CABCOCO1: variants seen among roughly 807,000 people sequenced by gnomAD.
CABCOCO1 encodes ciliary associated calcium binding coiled-coil 1, also known as ciliary-associated calcium-binding coiled-coil protein 1.
CABCOCO1 carries 28 observed loss-of-function variants against 35.7 expected under a neutral mutation model. The ratio of observed to expected loss-of-function variants is 0.78; its 90% CI spans 0.58 to 1.07. The LOEUF is 1.07. Among genes scored for constraint, CABCOCO1 ranks in the 50% least tolerant of loss-of-function variants. The pLI is 0.00. For missense variants in CABCOCO1, 326 were observed against 309.2 expected (o/e 1.05, Z -0.41); for synonymous variants, 95 against 100.1 (o/e 0.95, Z 0.30).
intron 5 of CABCOCO1, among the ~76,000 whole-genome samples, chr10:61,726,598 AAAAGCAATAAAATCC>A (rs1221292823): frequency 1.3e-5 from 2 of 152,040 alleles, no homozygotes; most frequent in Non-Finnish European, 2.9e-5. Flanking sequence ...TTTATGAATA[AAAAGCAATAAAATCC>A]CTTTATCTGG....
At position 61,721,060 on chromosome 10, in the gene CABCOCO1, G is replaced by C. The variant is rs182659939; in HGVS notation, c.552+30439G>C. Among the ~76,000 whole-genome samples, 686 of 151,394 alleles carry C rather than the reference G, an allele frequency of 4.5e-3. 9 individuals carry two copies. The highest frequency in any genetic ancestry group is 0.015 in the African/African-American group (638 of 41,324). ...CCGCCTCAGCCTCCTGAGTAGCTGG[G>C]ACTACACGCGCCCGCCACCACGCCC... On this transcript the variant is annotated intron_variant, in intron 5 of 7. Transcript: ENST00000648843.
At chr10:61,673,766 A>G (rs1839430414) in intron 2 of CABCOCO1, among the ~76,000 whole-genome samples, 1 of 152,216 alleles carries the variant, frequency 6.6e-6, no homozygotes, top group Admixed American at 6.5e-5. Context: ...CATACCACTT[A>G]CTATCTGCAT....
chr10:61,754,016 C>T (rs71507192), intron 5 of CABCOCO1, among the ~76,000 whole-genome samples: 2,377 of 152,162 alleles, frequency 0.016, 39 homozygotes, highest in East Asian at 0.047. Context: ...TCAATGATGG[C>T]ATTAGAAAGA....
intron 3 of CABCOCO1, among the ~76,000 whole-genome samples, chr10:61,684,615 C>T (rs939600404): frequency 6.6e-6 from 1 of 152,150 alleles, no homozygotes; most frequent in African/African-American, 2.4e-5. Flanking sequence ...TTGAGCAGCA[C>T]AATTCCCCCA....
At chr10:61,764,350 G>C (rs1006824773) in intron 7 of CABCOCO1, among the ~76,000 whole-genome samples, 2 of 151,982 alleles carry the variant, frequency 1.3e-5, no homozygotes, top group Non-Finnish European at 2.9e-5. Flanking sequence ...AATAAGGCAG[G>C]AGTAACAGAT....
intron 5 of CABCOCO1, among the ~76,000 whole-genome samples, chr10:61,708,227 A>G (rs571055048): frequency 6.6e-6 from 1 of 150,956 alleles, no homozygotes; most frequent in Non-Finnish European, 1.5e-5. Flanking sequence ...CAATGAATTC[A>G]TGAATGTGTT....
intron 3 of CABCOCO1, among the ~76,000 whole-genome samples, chr10:61,682,843 C>T (rs1248084972): frequency 2.6e-5 from 4 of 151,070 alleles, no homozygotes; most frequent in Admixed American, 6.6e-5. Flanking sequence ...ATCTAGAAAG[C>T]ACTATACACA....
intron 5 of CABCOCO1, among the ~76,000 whole-genome samples, chr10:61,720,701 T>C (rs1840985059): frequency 6.6e-6 from 1 of 151,734 alleles, no homozygotes. Flanking sequence ...GGGGGGCAGG[T>C]AATGAGGACA....
At chr10:61,742,900 G>T (rs1442580109) in intron 5 of CABCOCO1, among the ~76,000 whole-genome samples, 1 of 152,082 alleles carries the variant, frequency 6.6e-6, no homozygotes, top group East Asian at 1.9e-4. Context: ...AAAGGAGGGG[G>T]ACTAAAAGGC....
intron 5 of CABCOCO1, among the ~76,000 whole-genome samples, chr10:61,726,908 A>G (rs1488727154): frequency 6.6e-6 from 1 of 151,730 alleles, no homozygotes; most frequent in Admixed American, 6.6e-5. Flanking sequence ...AAAAAAAAAA[A>G]AAAAAAGTAC....
Position 61,766,149 on chromosome 10 carries a change from A to AAG in CABCOCO1, c.*137_*138dup. 1 of 775,628 alleles carries AAG rather than the reference A, an allele frequency of 1.3e-6. No homozygotes were observed. The allele number at this position is 775,628 out of a possible 1,614,324, so 48.0% of individuals were successfully genotyped here. A position where few individuals can be genotyped will look rare whatever the true frequency, so the allele number is the denominator to read the frequency against. On this transcript the variant is annotated 3_prime_UTR_variant, in exon 8 of 8. Coordinates refer to ENST00000648843, the MANE Select transcript of CABCOCO1 (RefSeq NM_001366906.2). ...ACCAAGCCCCACTTTTTATTTTCCT[A>AAG]AGTAATTAGAAAAGTATTGGTCCCA... is the stretch of plus-strand genomic sequence containing the variant.
chr10:61,743,961 C>T (rs1841603011), intron 5 of CABCOCO1, among the ~76,000 whole-genome samples: 1 of 152,258 alleles, frequency 6.6e-6, no homozygotes, highest in Admixed American at 6.5e-5. Flanking sequence ...TTATGTTATT[C>T]CTACCAAGTG....
At chr10:61,680,584 A>G (rs1213834624) in intron 2 of CABCOCO1, among the ~76,000 whole-genome samples, 3 of 86,968 alleles carry the variant, frequency 3.4e-5, no homozygotes, top group African/African-American at 1.2e-4. Flanking sequence ...TATGTTATAT[A>G]TAACATATGT....
At chr10:61,726,492 ATTAT>A (rs2132048021) in intron 5 of CABCOCO1, among the ~76,000 whole-genome samples, 1 of 152,140 alleles carries the variant, frequency 6.6e-6, no homozygotes, top group South Asian at 2.1e-4. Flanking sequence ...TATTTATCTA[ATTAT>A]TTACAATGGG....
intron 5 of CABCOCO1, among the ~76,000 whole-genome samples, chr10:61,692,057 A>G (rs1325152817): frequency 6.6e-6 from 1 of 152,156 alleles, no homozygotes; most frequent in Admixed American, 6.6e-5. Flanking sequence ...TAGATCCTTG[A>G]GGAATCACTA....
intron 1 of CABCOCO1, among the ~76,000 whole-genome samples, chr10:61,667,686 T>C (rs1839233761): frequency 6.6e-6 from 1 of 151,926 alleles, no homozygotes; most frequent in African/African-American, 2.4e-5. Flanking sequence ...GCTTCTTGTA[T>C]AGGAAAAAAC....
At chr10:61,689,369 C>A (rs1840062226) in intron 4 of CABCOCO1, among the ~76,000 whole-genome samples, 2 of 152,130 alleles carry the variant, frequency 1.3e-5, no homozygotes, top group Admixed American at 6.6e-5. Context: ...CTGTCAAAAG[C>A]TAAGTTACTT....
chr10:61,752,107 C>A (rs1311971436), intron 5 of CABCOCO1, among the ~76,000 whole-genome samples: 1 of 152,104 alleles, frequency 6.6e-6, no homozygotes, highest in Non-Finnish European at 1.5e-5. Flanking sequence ...CTTAGAGTAC[C>A]TAGACCCATT....
At chr10:61,702,999 G>A (rs1840499163) in intron 5 of CABCOCO1, among the ~76,000 whole-genome samples, 8 of 151,722 alleles carry the variant, frequency 5.3e-5, no homozygotes, top group Admixed American at 5.2e-4. Context: ...ATAATATAAA[G>A]GGGGATGTGG....
Sources: gnomAD v4.1 joint callset for allele counts (sites outside exome capture counted in the v4.1 genomes callset) on GRCh38, gnomAD v4.1.1 for gene constraint, MANE v1.5 for transcripts, NCBI Gene and HGNC (gene_info 2026-07-23, HGNC 2026-07-21) for gene names.